Variants in DENND6A observed in about 807,000 individuals in gnomAD.
DENND6A encodes protein DENND6A.
In DENND6A, 43 loss-of-function variants were observed where a neutral mutation model predicts 95.5. The observed-to-expected ratio is 0.45, with a 90% confidence interval of 0.35 to 0.58. DENND6A has a LOEUF of 0.58. DENND6A is among the 20% of genes least tolerant of loss of function. DENND6A has a pLI of 0.00. For missense variants in DENND6A, 574 were observed against 736.0 expected, an observed-to-expected ratio of 0.78 and a Z score of 2.55; for synonymous variants, 257 against 260.4, an observed-to-expected ratio of 0.99 and a Z score of 0.13.
chr3:57,636,899 T>C (rs1260899540), intron 12 of DENND6A, among the ~76,000 whole-genome samples: 3 of 128,660 alleles, frequency 2.3e-5, no homozygotes, highest in Non-Finnish European at 4.6e-5. Context: ...ATTGTGTCAC[T>C]ACACTCCAGC....
chr3:57,638,642 G>C (rs1295820420), intron 12 of DENND6A, among the ~76,000 whole-genome samples: 3 of 151,902 alleles, frequency 2.0e-5, no homozygotes, highest in African/African-American at 7.3e-5. Flanking sequence ...AGGCAACAGG[G>C]TGAGACTCCG....
In DENND6A at chr3:57,627,171, TCTCA is replaced by T. The variant is rs1179235417; in HGVS notation, c.*1039_*1042del. ...ATTTTTTATTTTTGTTGAGACACAG[TCTCA>T]CTGTGTCACCCAAGCTGGAGTCCAG... On this transcript the variant is annotated 3_prime_UTR_variant, in exon 20 of 20. Coordinates refer to ENST00000311128, the MANE Select transcript of DENND6A (RefSeq NM_152678.3). 1 of 152,208 alleles carries T rather than the reference TCTCA, an allele frequency of 6.6e-6. No homozygotes were observed. The highest frequency in any genetic ancestry group is 2.4e-5 in the African/African-American group (1 of 41,454). The allele number at this position is 152,208 out of a possible 1,614,324, so 9.4% of individuals were successfully genotyped here. A position where few individuals can be genotyped will look rare whatever the true frequency, so the allele number is the denominator to read the frequency against.
chr3:57,648,857 A>G (rs965714926), intron 9 of DENND6A, among the ~76,000 whole-genome samples: 5 of 152,208 alleles, frequency 3.3e-5, no homozygotes, highest in African/African-American at 9.6e-5. Context: ...ATCCTTTACA[A>G]AAACAAACTC....
chr3:57,630,377 T>A, intron 18 of DENND6A, 44 bp downstream of exon 18: 2 of 1,490,616 alleles, frequency 1.3e-6, no homozygotes, highest in Non-Finnish European at 1.8e-6. Flanking sequence ...TTATCTTTAT[T>A]TTCAACAGTT....
At chr3:57,642,596 C>T (rs1226951208) in intron 11 of DENND6A, among the ~76,000 whole-genome samples, 12 of 151,972 alleles carry the variant, frequency 7.9e-5, no homozygotes, top group African/African-American at 2.9e-4. Context: ...TATTGTTGCC[C>T]GATCATTAGA....
At chr3:57,688,685 A>AG (rs2077233105) in intron 1 of DENND6A, among the ~76,000 whole-genome samples, 1 of 151,080 alleles carries the variant, frequency 6.6e-6, no homozygotes, top group Non-Finnish European at 1.5e-5. Context: ...ACCAAAGACA[A>AG]AAAAAAACAC....
intron 11 of DENND6A, among the ~76,000 whole-genome samples, chr3:57,642,961 G>A (rs1025088591): frequency 1.6e-4 from 24 of 148,994 alleles, no homozygotes; most frequent in African/African-American, 5.2e-4. Flanking sequence ...AGCCAAGATC[G>A]CGCCATCACA....
Position 57,670,206 on chromosome 3 carries a change from T to C in DENND6A, c.319+2050A>G, listed in dbSNP as rs61449086. ...CATGCGGGGGACTTTTCCTCTACCA[T>C]CTTAGGTTCACTAACTGGGGCCTGT... On this transcript the variant is annotated intron_variant, in intron 3 of 19. Transcript: ENST00000311128. 6.8e-3 allele frequency among the ~76,000 whole-genome samples: 1,032 copies of C among 152,230 alleles called. 11 individuals are homozygous for C. Among genetic ancestry groups the C allele is most frequent in the African/African-American group, 0.023 (959 of 41,528 alleles).
At chr3:57,670,019 C>CAAAAAAAA (rs780880587) in intron 3 of DENND6A, among the ~76,000 whole-genome samples, 24 of 57,476 alleles carry the variant, frequency 4.2e-4, no homozygotes, top group Non-Finnish European at 6.6e-4. Context: ...AACTCCATCT[C>CAAAAAAAA]AAAAAAAAAA....
chr3:57,677,419 CTTTT>C (rs71088101), intron 1 of DENND6A, among the ~76,000 whole-genome samples: 7 of 68,746 alleles, frequency 1.0e-4, no homozygotes, highest in Admixed American at 6.7e-4. Context: ...CTTTGTTGTC[CTTTT>C]TTTTTTTTTT....
In DENND6A at chr3:57,628,003, G is replaced by T; in HGVS notation, c.*211C>A. The T allele has an allele frequency of 1.8e-6, 1 of 551,340 alleles. No individual in the cohort carries two copies. Among genetic ancestry groups the T allele is most frequent in the Non-Finnish European group, 2.9e-6 (1 of 339,326 alleles). 34.2% of individuals were successfully genotyped at this position (551,340 alleles called of 1,614,324 possible). ...TATAGAAATGCCTTTCGGTGTTTCAGTATTAAAGTGGAACCACCACAGATA... is the reference window on the plus strand; with the variant it reads ...TATAGAAATGCCTTTCGGTGTTTCATTATTAAAGTGGAACCACCACAGATA... On this transcript the variant is annotated 3_prime_UTR_variant, in exon 20 of 20. Coordinates refer to ENST00000311128, the MANE Select transcript of DENND6A (RefSeq NM_152678.3).
At chr3:57,684,347 CAGCT>C (rs1441051265) in intron 1 of DENND6A, among the ~76,000 whole-genome samples, 3 of 151,916 alleles carry the variant, frequency 2.0e-5, no homozygotes, top group African/African-American at 7.3e-5. Flanking sequence ...CCTGTAATCC[CAGCT>C]ACTTAGGAGG....
intron 4 of DENND6A, among the ~76,000 whole-genome samples, chr3:57,664,843 G>T (rs919643891): frequency 6.6e-6 from 1 of 152,042 alleles, no homozygotes; most frequent in Non-Finnish European, 1.5e-5. Flanking sequence ...GAAAAAAGAA[G>T]TAGAAAAATG....
Position 57,635,995 on chromosome 3 carries a change from T to C in DENND6A, c.1133-1226A>G, listed in dbSNP as rs568772950. On this transcript the variant is annotated intron_variant, in intron 12 of 19. Transcript: ENST00000311128. ...TATTTTATCTTCCTCATGATTTTCTTAGTAACATTTTATTTCCCCTAGCTT... is the reference window on the plus strand; with the variant it reads ...TATTTTATCTTCCTCATGATTTTCTCAGTAACATTTTATTTCCCCTAGCTT... Among the ~76,000 whole-genome samples the C allele has an allele frequency of 3.9e-5, 6 of 152,198 alleles. No homozygotes were observed. The South Asian group carries it at 1.2e-3, about 31-fold the overall frequency.
At chr3:57,654,693 C>T in intron 9 of DENND6A, 5 of 985,132 alleles carry the variant, frequency 5.1e-6, no homozygotes, top group Non-Finnish European at 6.0e-6. Flanking sequence ...ATCAAGAAAG[C>T]TGAAACCAAA....
In DENND6A at chr3:57,659,162, G is replaced by C. The variant is rs1237653314; in HGVS notation, c.718C>G (p.His240Asp). The C allele has an allele frequency of 6.8e-6, 11 of 1,613,886 alleles. No individual in the cohort carries two copies. Among genetic ancestry groups the C allele is most frequent in the Non-Finnish European group, 9.3e-6 (11 of 1,180,004 alleles). ...ATTTGAGTTGTCCCAGGCTTGTCATGACATGTGGGAATCCGTACCTAAAAG... is the reference window on the plus strand; with the variant it reads ...ATTTGAGTTGTCCCAGGCTTGTCATCACATGTGGGAATCCGTACCTAAAAG... ...VVMKVRIPTC[H>D]DKPGTTQIVQ... is the part of the protein sequence containing the mutation. The change falls in exon 8 of 20, where the codon CAT (histidine) becomes GAT (aspartate). Residue 240 changes from histidine to aspartate, a missense_variant. His to Asp is a moderately conservative substitution (Grantham distance 81). Around this residue, in one of 2 missense-constraint regions of DENND6A, gnomAD observed 452 missense variants for 630.9 expected, o/e 0.72. Coordinates refer to ENST00000311128, the MANE Select transcript of DENND6A (RefSeq NM_152678.3).
At chr3:57,656,512 G>A (rs1186208292) in intron 9 of DENND6A, among the ~76,000 whole-genome samples, 1 of 151,966 alleles carries the variant, frequency 6.6e-6, no homozygotes, top group East Asian at 1.9e-4. Context: ...TCTTCATGTA[G>A]ACACATTTTC....
At chr3:57,668,001 G>A (rs561425955) in intron 3 of DENND6A, among the ~76,000 whole-genome samples, 6 of 151,238 alleles carry the variant, frequency 4.0e-5, no homozygotes, top group African/African-American at 1.5e-4. Flanking sequence ...AGTAGGCAGA[G>A]GTTGCAGTGA....
At chr3:57,670,033 A>G (rs1234038880) in intron 3 of DENND6A, among the ~76,000 whole-genome samples, 5 of 132,000 alleles carry the variant, frequency 3.8e-5, no homozygotes, top group Non-Finnish European at 3.0e-5. Context: ...AAAAAAAAAA[A>G]AAAAGAAAAA....
Sources: allele counts gnomAD v4.1 joint callset (sites outside exome capture counted in the v4.1 genomes callset), GRCh38; gene constraint gnomAD v4.1.1; regional missense constraint gnomAD v4.1.1; transcripts MANE v1.5; gene names NCBI Gene and HGNC (gene_info 2026-07-23, HGNC 2026-07-21).